CDH12: variants seen among roughly 807,000 people sequenced by gnomAD.
CDH12 encodes the protein cadherin-12.
A neutral mutation model predicts 74.1 loss-of-function variants in CDH12; 41 were observed. The observed-to-expected ratio is 0.55, with a 90% confidence interval of 0.43 to 0.72. CDH12 has a LOEUF of 0.72. CDH12 is among the 30% of genes least tolerant of loss of function. The pLI is 0.00. For synonymous variants in CDH12, 399 were observed against 355.0 expected (o/e 1.12, Z -1.39); for missense variants, 945 against 977.2 (o/e 0.97, Z 0.44).
At position 22,772,190 on chromosome 5, in the gene CDH12, G is replaced by A. The variant is rs192676779; in HGVS notation, c.-523+80868C>T. On this transcript the variant is annotated intron_variant, in intron 1 of 14. Transcript: ENST00000382254. ...TTTGAAGAAATCATATTTAAGAAGA[G>A]AATACCTGAAATAAAAATGGAACTG... Among the ~76,000 whole-genome samples the A allele has an allele frequency of 3.5e-3, 530 of 152,074 alleles. 5 individuals carry two copies. Among genetic ancestry groups the A allele is most frequent in the African/African-American group, 0.012 (497 of 41,516 alleles).
At chr5:21,837,766 T>C (rs1235732615) in intron 8 of CDH12, among the ~76,000 whole-genome samples, 1 of 152,180 alleles carries the variant, frequency 6.6e-6, no homozygotes, top group Non-Finnish European at 1.5e-5. Context: ...AAGGTCTTAA[T>C]ACAAAAACAT....
chr5:21,805,015 T>C (rs1408868591), intron 9 of CDH12, among the ~76,000 whole-genome samples: 1 of 152,160 alleles, frequency 6.6e-6, no homozygotes, highest in East Asian at 1.9e-4. Flanking sequence ...ATAAGTGGTC[T>C]ATGTTAGGTA....
intron 3 of CDH12, among the ~76,000 whole-genome samples, chr5:22,377,760 T>G (rs185905823): frequency 6.6e-6 from 1 of 152,302 alleles, no homozygotes; most frequent in African/African-American, 2.4e-5. Context: ...ACATGTATCA[T>G]ATCTTTTTAA....
intron 1 of CDH12, among the ~76,000 whole-genome samples, chr5:22,756,098 G>GAAAAAAA (rs60067455): frequency 1.2e-3 from 101 of 87,196 alleles, no homozygotes; most frequent in Non-Finnish European, 1.5e-3. Flanking sequence ...TTCAAGGACC[G>GAAAAAAA]AAAAAAAAAA....
At chr5:22,525,220 T>C (rs1187384577) in intron 1 of CDH12, among the ~76,000 whole-genome samples, 1 of 152,126 alleles carries the variant, frequency 6.6e-6, no homozygotes, top group African/African-American at 2.4e-5. Flanking sequence ...TGTTGGACAT[T>C]TGGGTTGGTT....
intron 5 of CDH12, among the ~76,000 whole-genome samples, chr5:22,024,000 G>A (rs923165012): frequency 6.6e-6 from 1 of 152,162 alleles, no homozygotes; most frequent in Non-Finnish European, 1.5e-5. Context: ...ACTGCAAAGT[G>A]CTGGGAGTTG....
intron 11 of CDH12, among the ~76,000 whole-genome samples, chr5:21,770,865 G>A (rs1745286976): frequency 6.6e-6 from 1 of 152,064 alleles, no homozygotes; most frequent in Non-Finnish European, 1.5e-5. Context: ...ATACATAATG[G>A]AATACTATGG....
chr5:22,168,350 T>A (rs1748814753), intron 4 of CDH12, among the ~76,000 whole-genome samples: 1 of 152,100 alleles, frequency 6.6e-6, no homozygotes, highest in Admixed American at 6.6e-5. Flanking sequence ...GTTCTGAATT[T>A]GATTCCAGAG....
intron 2 of CDH12, among the ~76,000 whole-genome samples, chr5:22,450,274 C>T (rs183424310): frequency 1.3e-5 from 2 of 151,974 alleles, no homozygotes; most frequent in East Asian, 3.9e-4. Context: ...TCTTGCCATA[C>T]ATCAAGTATT....
chr5:21,828,125 AT>A lies in CDH12; in HGVS notation c.815-10994del, dbSNP rs765920585. Among the ~76,000 whole-genome samples, 420 of 144,476 alleles carry A rather than the reference AT, an allele frequency of 2.9e-3. 1 individual carries two copies. The highest frequency in any genetic ancestry group is 7.1e-3 in the Middle Eastern group (2 of 282). 94.8% of individuals were successfully genotyped at this position (144,476 alleles called of 152,430 possible). A position where few individuals can be genotyped will look rare whatever the true frequency, so the allele number is the denominator to read the frequency against. ...CAAAATAAGCTTTGAAAAACAATGAATTTTTTTTTTTTTTTGAGATGGAGTC... is the reference window on the plus strand; with the variant it reads ...CAAAATAAGCTTTGAAAAACAATGAATTTTTTTTTTTTTTGAGATGGAGTC... On this transcript the variant is annotated intron_variant, in intron 8 of 14. Transcript: ENST00000382254.
intron 2 of CDH12, among the ~76,000 whole-genome samples, chr5:22,503,352 A>G (rs1376831962): frequency 1.3e-5 from 2 of 152,120 alleles, no homozygotes; most frequent in Non-Finnish European, 2.9e-5. Flanking sequence ...GCTCCACAGC[A>G]TTACTCTATT....
At chr5:21,867,336 C>A (rs1751384169) in intron 6 of CDH12, among the ~76,000 whole-genome samples, 1 of 152,022 alleles carries the variant, frequency 6.6e-6, no homozygotes, top group Admixed American at 6.6e-5. Context: ...GCCTGGGGGA[C>A]AAGAGTGAGA....
chr5:21,759,643 T>C (rs888282881), intron 13 of CDH12, among the ~76,000 whole-genome samples: 2 of 152,172 alleles, frequency 1.3e-5, no homozygotes, highest in African/African-American at 4.8e-5. Context: ...TCATGTCAAA[T>C]ATAATACCTG....
rs982917623 is a variant in CDH12 at position 22,812,870 on chromosome 5, A to C, written c.-523+40188T>G. On this transcript the variant is annotated intron_variant, in intron 1 of 14. Transcript: ENST00000382254. ...TAGAGGCAACGGAGGGAAATACAGC[A>C]TAATGACCACTGGTATTCAAGAGAT... is the stretch of plus-strand genomic sequence containing the variant. 3.3e-5 allele frequency among the ~76,000 whole-genome samples: 5 copies of C among 151,814 alleles called. No homozygotes were observed. The South Asian group carries it at 1.0e-3, about 32-fold the overall frequency.
chr5:22,136,570 C>A (rs987100926), intron 4 of CDH12, among the ~76,000 whole-genome samples: 1 of 151,132 alleles, frequency 6.6e-6, no homozygotes, highest in African/African-American at 2.4e-5. Flanking sequence ...CCTAATTGCA[C>A]CCATGCTTTG....
At chr5:22,182,445 C>T (rs1469402028) in intron 4 of CDH12, among the ~76,000 whole-genome samples, 1 of 152,146 alleles carries the variant, frequency 6.6e-6, no homozygotes, top group Non-Finnish European at 1.5e-5. Flanking sequence ...ATTGTTTGTT[C>T]AGCACCTAGT....
At chr5:22,424,023 A>AAAAAG (rs1561393227) in intron 2 of CDH12, among the ~76,000 whole-genome samples, 128 of 147,830 alleles carry the variant, frequency 8.7e-4, no homozygotes, top group African/African-American at 2.6e-3. Flanking sequence ...AAAAAAAAAA[A>AAAAAG]AAAAGAAAAG....
intron 2 of CDH12, among the ~76,000 whole-genome samples, chr5:22,499,204 G>A (rs559072869): frequency 3.9e-5 from 6 of 151,908 alleles, no homozygotes; most frequent in South Asian, 2.1e-4. Flanking sequence ...ATGACCCACC[G>A]TGCTCAGCCC....
intron 1 of CDH12, among the ~76,000 whole-genome samples, chr5:22,805,801 C>G (rs945176702): frequency 6.6e-6 from 1 of 152,088 alleles, no homozygotes; most frequent in Non-Finnish European, 1.5e-5. Flanking sequence ...AATGCTATCC[C>G]TCCCCTAGTC....
Sources: allele counts gnomAD v4.1 joint callset (sites outside exome capture counted in the v4.1 genomes callset), GRCh38; gene constraint gnomAD v4.1.1; transcripts MANE v1.5; gene names NCBI Gene and HGNC (gene_info 2026-07-23, HGNC 2026-07-21).